The following UNC5C variants were observed in gnomAD, a reference collection of about 807,000 sequenced individuals.
UNC5C encodes the protein unc-5 netrin receptor C, also known as netrin receptor UNC5C.
A neutral mutation model predicts 99.8 loss-of-function variants in UNC5C; 47 were observed. That is an observed-to-expected ratio of 0.47 (90% CI 0.37 to 0.60). The LOEUF (loss-of-function observed/expected upper bound fraction) is 0.60. Ranked by LOEUF, UNC5C falls within the 20% of genes least tolerant of loss-of-function variation. The probability of loss-of-function intolerance (pLI) is 0.00; values close to 1 mark genes in which losing one functional copy is unlikely to be tolerated. For missense variants in UNC5C, 1,062 were observed against 1,165.9 expected, an observed-to-expected ratio of 0.91 and a Z score of 1.30; for synonymous variants, 487 against 452.2, an observed-to-expected ratio of 1.08 and a Z score of -0.98.
chr4:95,192,139 A>C (rs968836250), intron 12 of UNC5C, among the ~76,000 whole-genome samples: 3,315 of 36,264 alleles, frequency 0.091, no homozygotes, highest in Middle Eastern at 0.12. Context: ...TCCTCCTCCC[A>C]TGCTCACCTC....
intron 1 of UNC5C, among the ~76,000 whole-genome samples, chr4:95,510,264 A>G (rs930294610): frequency 2.0e-4 from 30 of 152,030 alleles, no homozygotes; most frequent in African/African-American, 7.2e-4. Flanking sequence ...ATATTTTACT[A>G]TAAATACTTT....
chr4:95,481,389 G>A (rs528507142), intron 1 of UNC5C, among the ~76,000 whole-genome samples: 4,229 of 151,906 alleles, frequency 0.028, 80 homozygotes, highest in African/African-American at 0.062. Context: ...AACATTCCAT[G>A]CTCATGGGTA....
At chr4:95,250,370 G>A (rs1042823716) in intron 5 of UNC5C, 117 bp downstream of exon 5, 3 of 1,133,012 alleles carry the variant, frequency 2.6e-6, no homozygotes, top group Non-Finnish European at 3.7e-6. Context: ...GGGTGACAGA[G>A]CAAGACCCTG....
chr4:95,537,813 A>ATC (rs952993180), intron 1 of UNC5C, among the ~76,000 whole-genome samples: 21 of 151,804 alleles, frequency 1.4e-4, no homozygotes, highest in African/African-American at 5.1e-4. Context: ...TAATTTCGTT[A>ATC]CTCTCTCTCC....
chr4:95,387,718 T>A (rs1490747027), intron 1 of UNC5C, among the ~76,000 whole-genome samples: 8 of 152,244 alleles, frequency 5.3e-5, no homozygotes, highest in Non-Finnish European at 1.0e-4. Flanking sequence ...TTTTTCTTTT[T>A]GCCTGTAATA....
chr4:95,192,672 A>G (rs942893576), intron 12 of UNC5C, among the ~76,000 whole-genome samples: 8 of 104,612 alleles, frequency 7.6e-5, no homozygotes, highest in Non-Finnish European at 1.6e-4. Flanking sequence ...TCCCCTGCTC[A>G]CCTCCTCTGT....
intron 14 of UNC5C, 131 bp downstream of exon 14, chr4:95,182,766 C>CAAAT: frequency 2.1e-6 from 2 of 934,538 alleles, no homozygotes; most frequent in Non-Finnish European, 3.0e-6. Flanking sequence ...ATTCTATTAA[C>CAAAT]AAATAGGATC....
intron 2 of UNC5C, among the ~76,000 whole-genome samples, chr4:95,335,063 C>T (rs1295343334): frequency 2.0e-5 from 3 of 151,886 alleles, no homozygotes; most frequent in Admixed American, 1.3e-4. Context: ...CCCCAGATCT[C>T]GGGATATTTA....
In UNC5C at chr4:95,174,110, C is replaced by T. The variant is rs543748845; in HGVS notation, c.2452-3778G>A. ...ATATCCCCTTTATCATTTTTTATTG[C>T]GTCTATTTGATTCTTCTCTCTTTTT... On this transcript the variant is annotated intron_variant, in intron 14 of 15. Coordinates refer to ENST00000453304, the MANE Select transcript of UNC5C (RefSeq NM_003728.4). Among the ~76,000 whole-genome samples, 38 of 151,894 alleles carry T rather than the reference C, an allele frequency of 2.5e-4. No individual in the cohort carries two copies. The East Asian group carries it at 2.9e-3, about 12-fold the overall frequency.
chr4:95,419,905 A>AT (rs1324592394), intron 1 of UNC5C, among the ~76,000 whole-genome samples: 1 of 152,188 alleles, frequency 6.6e-6, no homozygotes, highest in Non-Finnish European at 1.5e-5. Context: ...AATAGCTCAG[A>AT]TGTTCTTACA....
chr4:95,349,460 A>C (rs1743906896), intron 1 of UNC5C, among the ~76,000 whole-genome samples: 1 of 149,430 alleles, frequency 6.7e-6, no homozygotes, highest in Admixed American at 6.6e-5. Context: ...ATTGATGGTC[A>C]TTACTTCTGG....
intron 1 of UNC5C, among the ~76,000 whole-genome samples, chr4:95,436,900 T>C (rs1342276894): frequency 6.6e-6 from 1 of 151,600 alleles, no homozygotes; most frequent in Non-Finnish European, 1.5e-5. Flanking sequence ...TTCATAATGC[T>C]TCAATGAAGG....
intron 3 of UNC5C, among the ~76,000 whole-genome samples, chr4:95,301,107 AAG>A (rs1418819749): frequency 6.6e-6 from 1 of 152,146 alleles, no homozygotes; most frequent in East Asian, 1.9e-4. Context: ...AAAAATAAAA[AAG>A]AAAATTAAAA....
At chr4:95,537,917 A>T (rs1186948402) in intron 1 of UNC5C, among the ~76,000 whole-genome samples, 1 of 152,168 alleles carries the variant, frequency 6.6e-6, no homozygotes, top group Non-Finnish European at 1.5e-5. Context: ...AGTAAAAAAA[A>T]TCACTTCACT....
At chr4:95,531,027 T>C (rs1442901891) in intron 1 of UNC5C, among the ~76,000 whole-genome samples, 1 of 152,212 alleles carries the variant, frequency 6.6e-6, no homozygotes, top group African/African-American at 2.4e-5. Flanking sequence ...AAGTCTAATG[T>C]TGTTAAATCA....
At chr4:95,404,755 A>G (rs1745788777) in intron 1 of UNC5C, among the ~76,000 whole-genome samples, 1 of 152,196 alleles carries the variant, frequency 6.6e-6, no homozygotes. Flanking sequence ...AAAAGTTGCC[A>G]TTTGGCCCAC....
intron 1 of UNC5C, among the ~76,000 whole-genome samples, chr4:95,380,280 T>C (rs748445502): frequency 2.6e-5 from 4 of 152,158 alleles, no homozygotes; most frequent in Non-Finnish European, 5.9e-5. Context: ...TATAGAACAG[T>C]TCAATTTATT....
intron 7 of UNC5C, among the ~76,000 whole-genome samples, chr4:95,234,174 T>TG (rs1309110085): frequency 2.0e-5 from 3 of 152,064 alleles, no homozygotes; most frequent in Non-Finnish European, 4.4e-5. Context: ...TTGTAAAATG[T>TG]GGGGGGTGGC....
At chr4:95,244,946 A>C (rs940654547) in intron 6 of UNC5C, 31 bp downstream of exon 6, 2 of 1,611,486 alleles carry the variant, frequency 1.2e-6, no homozygotes, top group Non-Finnish European at 1.7e-6. Context: ...ATAATAGGAG[A>C]TACTTGGAAT....
Sources: allele counts gnomAD v4.1 joint callset (sites outside exome capture counted in the v4.1 genomes callset), GRCh38; gene constraint gnomAD v4.1.1; transcripts MANE v1.5; gene names NCBI Gene and HGNC (gene_info 2026-07-23, HGNC 2026-07-21).